PROM1: variants seen among roughly 807,000 people sequenced by gnomAD.
The protein encoded by PROM1 is prominin-1.
PROM1 carries 105 observed loss-of-function variants against 116.9 expected under a neutral mutation model. That is an observed-to-expected ratio of 0.90 (90% CI 0.77 to 1.06). The LOEUF is 1.06. Among genes scored for constraint, PROM1 ranks in the 50% least tolerant of loss-of-function variants. PROM1 has a pLI of 0.00. For synonymous variants in PROM1, 393 were observed against 387.0 expected (o/e 1.02, Z -0.18); for missense variants, 1,122 against 1,045.2 (o/e 1.07, Z -1.01).
rs754115347 is a variant in PROM1 at position 16,006,582 on chromosome 4, G to T, written c.1410C>A (p.Thr470=). Residue 470 remains threonine, a synonymous_variant, in exon 13 of 28, where the codon ACC becomes ACA. Transcript: ENST00000447510. The part of the protein sequence containing the change: ...VCGYDRHATP[T]TRGCVSNTGG... Reference sequence around the variant, plus strand: ...CGGTGTTGGAGACACAGCCTCGGGTGGTCGGGGTGGCATGCCTGTCATAGC... The same window carrying T: ...CGGTGTTGGAGACACAGCCTCGGGTTGTCGGGGTGGCATGCCTGTCATAGC... 17 of 1,604,206 alleles carry T rather than the reference G, an allele frequency of 1.1e-5. 1 individual carries two copies. The highest frequency in any genetic ancestry group is 1.4e-5 in the Non-Finnish European group (16 of 1,175,686).
intron 14 of PROM1, 31 bp downstream of exon 14, chr4:16,000,465 C>T (rs1723476553): frequency 2.0e-6 from 3 of 1,526,500 alleles, no homozygotes; most frequent in Non-Finnish European, 1.8e-6. Flanking sequence ...CTGTTCAAGT[C>T]CTTTCATAAT....
At chr4:15,985,631 C>A in intron 22 of PROM1, 129 bp downstream of exon 22, 1 of 757,770 alleles carries the variant, frequency 1.3e-6, no homozygotes. Flanking sequence ...TCCTGCACAT[C>A]AATGTCCTTT....
At chr4:16,053,620 G>T (rs1035432427) in intron 2 of PROM1, among the ~76,000 whole-genome samples, 1 of 152,206 alleles carries the variant, frequency 6.6e-6, no homozygotes, top group African/African-American at 2.4e-5. Context: ...GCACGCTGTG[G>T]TGGGAGGGAA....
intron 19 of PROM1, 77 bp downstream of exon 19, chr4:15,989,655 A>G (rs1720464902): frequency 1.7e-6 from 2 of 1,195,222 alleles, no homozygotes; most frequent in East Asian, 5.1e-5. Context: ...ATGTGTCGTG[A>G]GGCTAAATGA....
intron 20 of PROM1, 38 bp downstream of exon 20, chr4:15,987,625 A>T: frequency 6.3e-7 from 1 of 1,582,242 alleles, no homozygotes; most frequent in Non-Finnish European, 8.6e-7. Context: ...GGTATTTTAT[A>T]ACAAAACCCC....
intron 2 of PROM1, among the ~76,000 whole-genome samples, chr4:16,057,765 T>C (rs1390854676): frequency 6.6e-6 from 1 of 152,168 alleles, no homozygotes; most frequent in African/African-American, 2.4e-5. Flanking sequence ...CAGAGATACA[T>C]ATAGAATTAC....
chr4:15,982,581 G>A (rs918477308), intron 23 of PROM1, among the ~76,000 whole-genome samples: 1 of 152,176 alleles, frequency 6.6e-6, no homozygotes, highest in Non-Finnish European at 1.5e-5. Context: ...CACAGCTCCA[G>A]CCTATGATCT....
In PROM1 at chr4:15,985,746, G is replaced by A; in HGVS notation, c.2280+14C>T. 1 of 1,517,770 alleles carries A rather than the reference G, an allele frequency of 6.6e-7. No individual in the cohort carries two copies. Among genetic ancestry groups the A allele is most frequent in the Non-Finnish European group, 9.1e-7 (1 of 1,098,420 alleles). 94.0% of individuals were successfully genotyped at this position (1,517,770 alleles called of 1,614,324 possible). On this transcript the variant is annotated intron_variant, in intron 22 of 27. Coordinates refer to ENST00000447510, the MANE Select transcript of PROM1 (RefSeq NM_006017.3). ...TTGACCCCCCTTAACATTCATAAAAGATAAACTACTTACAGAGAACTCGAT... is the reference window on the plus strand; with the variant it reads ...TTGACCCCCCTTAACATTCATAAAAAATAAACTACTTACAGAGAACTCGAT...
At chr4:15,973,149 C>T (rs926353416) in intron 26 of PROM1, among the ~76,000 whole-genome samples, 33 of 152,176 alleles carry the variant, frequency 2.2e-4, no homozygotes, top group Admixed American at 2.0e-3. Context: ...TGCAGCCATG[C>T]GGACCCCTCC....
chr4:16,014,427 C>T (rs1727747400), intron 10 of PROM1, among the ~76,000 whole-genome samples: 1 of 152,182 alleles, frequency 6.6e-6, no homozygotes, highest in Non-Finnish European at 1.5e-5. Flanking sequence ...TCTCCCGGTT[C>T]AATGCCTTCT....
chr4:15,972,845 A>C (rs1181866677), intron 26 of PROM1, among the ~76,000 whole-genome samples: 1 of 152,224 alleles, frequency 6.6e-6, no homozygotes, highest in African/African-American at 2.4e-5. Context: ...CTTTTGAGTC[A>C]GTCTGGATTA....
intron 13 of PROM1, 29 bp from the exon 14 acceptor site, chr4:16,000,648 A>C: frequency 6.6e-7 from 1 of 1,506,110 alleles, no homozygotes; most frequent in South Asian, 1.2e-5. Flanking sequence ...TTAGTAATTC[A>C]ACAAAGAATG....
intron 13 of PROM1, among the ~76,000 whole-genome samples, chr4:16,004,508 T>C (rs957921297): frequency 6.6e-6 from 1 of 152,208 alleles, no homozygotes; most frequent in South Asian, 2.1e-4. Flanking sequence ...CAATTTACCC[T>C]ACCTTTCAAG....
intron 13 of PROM1, among the ~76,000 whole-genome samples, chr4:16,004,956 G>GCT (rs1209833954): frequency 1.7e-4 from 8 of 47,616 alleles, no homozygotes; most frequent in Non-Finnish European, 2.3e-4. Context: ...TTTATTTCTC[G>GCT]CTCTCTCTTT....
intron 3 of PROM1, among the ~76,000 whole-genome samples, chr4:16,038,506 G>A (rs1443070294): frequency 3.9e-5 from 6 of 152,102 alleles, no homozygotes; most frequent in African/African-American, 1.4e-4. Flanking sequence ...GGGTTCAAGC[G>A]ATTCTCCTGC....
chr4:16,071,788 T>C (rs927514698), intron 2 of PROM1, among the ~76,000 whole-genome samples: 6 of 152,124 alleles, frequency 3.9e-5, no homozygotes, highest in African/African-American at 1.4e-4. Flanking sequence ...ACCTAGTCTA[T>C]GGTATTATTC....
At chr4:16,035,958 C>T (rs1733853320) in intron 3 of PROM1, among the ~76,000 whole-genome samples, 197 bp from the exon 4 acceptor site, 1 of 152,220 alleles carries the variant, frequency 6.6e-6, no homozygotes, top group Admixed American at 6.5e-5. Flanking sequence ...TTTTAAGTTG[C>T]TCTGAGTTCT....
At chr4:16,066,121 T>A (rs1233790240) in intron 2 of PROM1, among the ~76,000 whole-genome samples, 3 of 152,192 alleles carry the variant, frequency 2.0e-5, no homozygotes, top group African/African-American at 7.2e-5. Context: ...ATTTTAGACT[T>A]CCTGCCTACA....
intron 5 of PROM1, among the ~76,000 whole-genome samples, chr4:16,030,163 G>A (rs1433543723): frequency 1.3e-5 from 2 of 151,968 alleles, no homozygotes; most frequent in Admixed American, 6.6e-5. Flanking sequence ...AACCAGTGGG[G>A]GTTTCAAAAG....
Sources: gnomAD v4.1 joint callset for allele counts (sites outside exome capture counted in the v4.1 genomes callset) on GRCh38, gnomAD v4.1.1 for gene constraint, MANE v1.5 for transcripts, NCBI Gene and HGNC (gene_info 2026-07-23, HGNC 2026-07-21) for gene names.